The following ASB18 variants were observed in gnomAD, a reference collection of about 807,000 sequenced individuals.
The protein encoded by ASB18 is ankyrin repeat and SOCS box protein 18.
A neutral mutation model predicts 33.4 loss-of-function variants in ASB18; 33 were observed. The ratio of observed to expected loss-of-function variants is 0.99; its 90% confidence interval spans 0.75 to 1.32. The LOEUF (loss-of-function observed/expected upper bound fraction) is 1.32, where lower values mean the gene tolerates loss of function less well. Ranked by LOEUF, ASB18 falls within the 40% of genes most tolerant of loss-of-function variation. The probability of loss-of-function intolerance (pLI) is 0.00; values close to 1 mark genes in which losing one functional copy is unlikely to be tolerated. For synonymous variants in ASB18, 295 were observed against 307.6 expected (o/e 0.96, Z 0.43); for missense variants, 694 against 655.5 (o/e 1.06, Z -0.64).
rs1350596663 is a variant in ASB18 at position 236,245,380 on chromosome 2, T to C, written c.206-3978A>G. Among the ~76,000 whole-genome samples the C allele has an allele frequency of 6.6e-6, 1 of 152,204 alleles. No individual in the cohort carries two copies. On this transcript the variant is annotated intron_variant, in intron 1 of 5. Coordinates refer to ENST00000409749, the MANE Select transcript of ASB18 (RefSeq NM_212556.4). This position sits in a 1 kb window ranked among gnomAD's most constrained non-coding sequence, Gnocchi z 4.7. ...ACAGATTCAGTTACCTTTCTCAAGA[T>C]TTCTGAATCCTGACATAGCCAGTGC... is the stretch of plus-strand genomic sequence containing the variant.
chr2:236,202,814 T>TATATATATATACACACACAC (rs1472095135), intron 4 of ASB18, among the ~76,000 whole-genome samples: 32 of 126,576 alleles, frequency 2.5e-4, no homozygotes, highest in South Asian at 5.5e-4. Flanking sequence ...TATATATATA[T>TATATATATATACACACACAC]ACACACACCT....
chr2:236,221,945 G>C lies in ASB18; in HGVS notation c.597-7079C>G, dbSNP rs979040585. Among the ~76,000 whole-genome samples the C allele has an allele frequency of 1.5e-4, 23 of 152,240 alleles. No homozygotes were observed. The highest frequency in any genetic ancestry group is 2.6e-4 in the Admixed American group (4 of 15,286). ...AGGGGAAGGGTGGCTGCAGCTGAAG[G>C]CTGGGTCCCAGGGTGGGTGCTGGGC... On this transcript the variant is annotated intron_variant, in intron 3 of 5. Transcript: ENST00000409749. This position sits in a 1 kb window ranked among gnomAD's most constrained non-coding sequence, Gnocchi z 5.6.
chr2:236,202,778 A>G (rs1181054600), intron 4 of ASB18, among the ~76,000 whole-genome samples: 1 of 78,594 alleles, frequency 1.3e-5, no homozygotes, highest in Non-Finnish European at 2.4e-5. Context: ...ACTCCGTCTC[A>G]AAAAAAAAAA....
intron 3 of ASB18, among the ~76,000 whole-genome samples, chr2:236,227,628 A>C (rs2060546659): frequency 6.6e-6 from 1 of 152,066 alleles, no homozygotes; most frequent in Admixed American, 6.6e-5. Flanking sequence ...TGTAGATATA[A>C]AATTGTATAG....
Position 236,214,890 on chromosome 2 carries a change from C to G in ASB18, c.597-24G>C. 8.3e-7 allele frequency: 1 copy of G among 1,208,146 alleles called. No homozygotes were observed. Among genetic ancestry groups the G allele is most frequent in the Non-Finnish European group, 1.0e-6 (1 of 972,526 alleles). 74.8% of individuals were successfully genotyped at this position (1,208,146 alleles called of 1,614,324 possible). A position where few individuals can be genotyped will look rare whatever the true frequency, so the allele number is the denominator to read the frequency against. On this transcript the variant is annotated intron_variant, in intron 3 of 5. Transcript: ENST00000409749. This position sits in a 1 kb window ranked among gnomAD's most constrained non-coding sequence, Gnocchi z 6.5. ...ACCTGTGGGAAGCCAGGGCCTGTCACTCGGGCGCCACGCAGGACGCCCGCA... is the reference window on the plus strand; with the variant it reads ...ACCTGTGGGAAGCCAGGGCCTGTCAGTCGGGCGCCACGCAGGACGCCCGCA...
chr2:236,248,558 T>A lies in ASB18; in HGVS notation c.206-7156A>T, dbSNP rs11904744. On this transcript the variant is annotated intron_variant, in intron 1 of 5. Coordinates refer to ENST00000409749, the MANE Select transcript of ASB18 (RefSeq NM_212556.4). This position sits in a 1 kb window ranked among gnomAD's most constrained non-coding sequence, Gnocchi z 4.9. ...TGGTGAGTTGAGATAATGCCACTGC[T>A]CTCCAGCCTGGGCAACAGAGCAAGA... The A allele has an allele frequency of 0.27, 39,402 of 146,516 alleles. 7,767 individuals carry two copies. The highest frequency in any genetic ancestry group is 0.57 in the African/African-American group (22,921 of 40,318). The allele number at this position is 146,516 out of a possible 1,614,324, so 9.1% of individuals were successfully genotyped here. A position where few individuals can be genotyped will look rare whatever the true frequency, so the allele number is the denominator to read the frequency against.
Position 236,194,926 on chromosome 2 carries a change from C to T in ASB18, c.1347G>A (p.Leu449=), listed in dbSNP as rs770138448. The change falls in exon 6 of 6, where the codon TTG becomes TTA. Residue 449 remains leucine, a synonymous_variant. Transcript: ENST00000409749. This position sits in a 1 kb window ranked among gnomAD's most constrained non-coding sequence, Gnocchi z 4.5. ...GTAGGTAATTCTGCAGGGGCTTTGGCAAGGGTAACAGGGGGATGAGGTCAA... is the reference window on the plus strand; with the variant it reads ...GTAGGTAATTCTGCAGGGGCTTTGGTAAGGGTAACAGGGGGATGAGGTCAA... The part of the protein sequence containing the change: ...RCFDLIPLLP[L]PKPLQNYLLL... The T allele has an allele frequency of 1.7e-5, 27 of 1,613,648 alleles. No homozygotes were observed. In the Middle Eastern group the frequency reaches 1.3e-3, roughly 79 times the overall value.
At position 236,262,771 on chromosome 2, in the gene ASB18, C is replaced by A. The variant is rs1410394906; in HGVS notation, c.205+1370G>T. 6.6e-6 allele frequency among the ~76,000 whole-genome samples: 1 copy of A among 152,106 alleles called. No homozygotes were observed. Among genetic ancestry groups the A allele is most frequent in the Admixed American group, 6.5e-5 (1 of 15,280 alleles). On this transcript the variant is annotated intron_variant, in intron 1 of 5. Coordinates refer to ENST00000409749, the MANE Select transcript of ASB18 (RefSeq NM_212556.4). The surrounding 1 kb of genome is among the most constrained non-coding windows in gnomAD (Gnocchi z 5.2). ...ATCATGGCTCCTGGGCCTATGGACC[C>A]CCGCCAGATATTAGGAAAACCAAGG...
At chr2:236,206,564 C>G (rs890355462) in intron 4 of ASB18, among the ~76,000 whole-genome samples, 2 of 152,206 alleles carry the variant, frequency 1.3e-5, no homozygotes, top group Non-Finnish European at 2.9e-5. Context: ...AATTCTGAAG[C>G]CTGCTACTTC....
chr2:236,230,735 T>G (rs1368820934), intron 3 of ASB18, among the ~76,000 whole-genome samples: 2 of 150,462 alleles, frequency 1.3e-5, no homozygotes, highest in African/African-American at 4.9e-5. Context: ...TTATATCTAG[T>G]AAGCCAAAAA....
Position 236,214,563 on chromosome 2 carries a change from G to C in ASB18, c.900C>G (p.Ala300=). ...DEDERSPLHK[A]CGHASHSLAR... ...CCAGGCTGTGGCTCGCGTGGCCGCA[G>C]GCTTTGTGCAGCGGGCTGCGCTCGT... Residue 300 remains alanine (A), a synonymous_variant, in exon 4 of 6, where the codon GCC becomes GCG. Coordinates refer to ENST00000409749, the MANE Select transcript of ASB18 (RefSeq NM_212556.4). The surrounding 1 kb of genome is among the most constrained non-coding windows in gnomAD (Gnocchi z 6.5). 1 of 1,384,954 alleles carries C rather than the reference G, an allele frequency of 7.2e-7. No individual in the cohort carries two copies. The highest frequency in any genetic ancestry group is 9.2e-7 in the Non-Finnish European group (1 of 1,081,750). The allele number at this position is 1,384,954 out of a possible 1,614,324, so 85.8% of individuals were successfully genotyped here.
At chr2:236,206,622 C>A (rs981448512) in intron 4 of ASB18, among the ~76,000 whole-genome samples, 1 of 152,192 alleles carries the variant, frequency 6.6e-6, no homozygotes, top group African/African-American at 2.4e-5. Flanking sequence ...CTTATTTAAA[C>A]CTGTTTGAAT....
chr2:236,259,032 A>G lies in ASB18; in HGVS notation c.205+5109T>C, dbSNP rs1290229691. Among the ~76,000 whole-genome samples, 1 of 152,186 alleles carries G rather than the reference A, an allele frequency of 6.6e-6. No individual in the cohort carries two copies. The highest frequency in any genetic ancestry group is 1.5e-5 in the Non-Finnish European group (1 of 68,036). ...AGTTACCAAATTGTACAGTTGATGC[A>G]TTTGGGGGGCGAGATGGGTCTCACT... On this transcript the variant is annotated intron_variant, in intron 1 of 5. Coordinates refer to ENST00000409749, the MANE Select transcript of ASB18 (RefSeq NM_212556.4). The surrounding 1 kb of genome is among the most constrained non-coding windows in gnomAD (Gnocchi z 4.4).
At chr2:236,230,302 T>C (rs1375404891) in intron 3 of ASB18, among the ~76,000 whole-genome samples, 2 of 150,956 alleles carry the variant, frequency 1.3e-5, no homozygotes, top group Non-Finnish European at 2.9e-5. Flanking sequence ...TTTTCAAACA[T>C]ACAAATACTG....
chr2:236,232,008 A>G (rs11677595), intron 3 of ASB18, among the ~76,000 whole-genome samples: 25,457 of 152,248 alleles, frequency 0.17, 2,184 homozygotes, highest in South Asian at 0.24. Context: ...AGGCAATTTG[A>G]TTTAATTTAC....
In ASB18 at chr2:236,229,156, C is replaced by G. The variant is rs191902805; in HGVS notation, c.596+8533G>C. 1.3e-5 allele frequency among the ~76,000 whole-genome samples: 2 copies of G among 152,320 alleles called. No homozygotes were observed. Among genetic ancestry groups the G allele is most frequent in the Admixed American group, 1.3e-4 (2 of 15,306 alleles). ...AGGGCCATTAAAACACTTGTTATAA[C>G]TATATTCCACCTGTTTGAGAAGCTA... On this transcript the variant is annotated intron_variant, in intron 3 of 5. Transcript: ENST00000409749. This position sits in a 1 kb window ranked among gnomAD's most constrained non-coding sequence, Gnocchi z 5.2.
At position 236,237,611 on chromosome 2, in the gene ASB18, T is replaced by C; in HGVS notation, c.596+78A>G. The C allele has an allele frequency of 8.9e-7, 1 of 1,126,716 alleles. No homozygotes were observed. Among genetic ancestry groups the C allele is most frequent in the Non-Finnish European group, 1.1e-6 (1 of 899,596 alleles). 69.8% of individuals were successfully genotyped at this position (1,126,716 alleles called of 1,614,324 possible). ...GGCTGGGACGGAGGCGGAGGCGGGGTCGGCGGTCTCGTGGGGGGAGGCGGG... is the reference window on the plus strand; with the variant it reads ...GGCTGGGACGGAGGCGGAGGCGGGGCCGGCGGTCTCGTGGGGGGAGGCGGG... On this transcript the variant is annotated intron_variant, in intron 3 of 5. Transcript: ENST00000409749. The surrounding 1 kb of genome is among the most constrained non-coding windows in gnomAD (Gnocchi z 6.2).
In ASB18 at chr2:236,241,466, C is replaced by T. The variant is rs775325171; in HGVS notation, c.206-64G>A. 6.2e-7 allele frequency: 1 copy of T among 1,601,606 alleles called. No homozygotes were observed. The highest frequency in any genetic ancestry group is 1.7e-5 in the Admixed American group (1 of 58,896). On this transcript the variant is annotated intron_variant, in intron 1 of 5. Transcript: ENST00000409749. The surrounding 1 kb of genome is among the most constrained non-coding windows in gnomAD (Gnocchi z 4.2). The stretch of plus-strand genomic sequence containing the variant: ...CCTGCTCTAGCTTGAGGATCCTTCT[C>T]TGTCTTTTGAAATATTTGAAGTTTT...
chr2:236,225,722 T>C lies in ASB18; in HGVS notation c.597-10856A>G, dbSNP rs2060534217. Among the ~76,000 whole-genome samples, 1 of 152,164 alleles carries C rather than the reference T, an allele frequency of 6.6e-6. No individual in the cohort carries two copies. The highest frequency in any genetic ancestry group is 2.4e-5 in the African/African-American group (1 of 41,436). ...AAAATCTCTTCAAAAGGCTCCTAGA[T>C]TAAAGCTCTGATATCCCTTTCAGTG... On this transcript the variant is annotated intron_variant, in intron 3 of 5. Transcript: ENST00000409749. This position sits in a 1 kb window ranked among gnomAD's most constrained non-coding sequence, Gnocchi z 5.1.
Sources: allele counts gnomAD v4.1 joint callset (sites outside exome capture counted in the v4.1 genomes callset), GRCh38; gene constraint gnomAD v4.1.1; non-coding constraint Gnocchi (gnomAD v3.1); transcripts MANE v1.5; gene names NCBI Gene and HGNC (gene_info 2026-07-23, HGNC 2026-07-21).